The following DDR2 variants were observed in gnomAD, a reference collection of about 807,000 sequenced individuals.
DDR2 encodes discoidin domain-containing receptor 2.
Under a neutral mutation model 94.9 loss-of-function variants are expected in DDR2, and 27 were observed. The ratio of observed to expected loss-of-function variants is 0.28; its 90% CI spans 0.21 to 0.39. The LOEUF (loss-of-function observed/expected upper bound fraction) is 0.39, where lower values mean the gene tolerates loss of function less well. Ranked by LOEUF, DDR2 falls within the 10% of genes least tolerant of loss-of-function variation. DDR2 has a pLI of 1.00. For synonymous variants in DDR2, 382 were observed against 377.2 expected (o/e 1.01, Z -0.15); for missense variants, 783 against 1,076.0 (o/e 0.73, Z 3.81).
At chr1:162,708,277 A>G (rs929520929) in intron 2 of DDR2, among the ~76,000 whole-genome samples, 1 of 152,160 alleles carries the variant, frequency 6.6e-6, no homozygotes, top group Non-Finnish European at 1.5e-5. Context: ...GGCATCACAC[A>G]TGATCTCTTC....
At position 162,656,833 on chromosome 1, in the gene DDR2, G is replaced by GTTTTGTTTTTTTTTTT. The variant is rs1558008740; in HGVS notation, c.-28+1463_-28+1464insGTTTTTTTTTTTTTTT. Among the ~76,000 whole-genome samples, 13 of 65,696 alleles carry GTTTTGTTTTTTTTTTT rather than the reference G, an allele frequency of 2.0e-4. 1 individual carries two copies. Among genetic ancestry groups the GTTTTGTTTTTTTTTTT allele is most frequent in the Non-Finnish European group, 2.7e-4 (9 of 33,378 alleles). 43.1% of individuals were successfully genotyped at this position (65,696 alleles called of 152,430 possible). Reference sequence around the variant, plus strand: ...GGTCTTTTCTTCCCCTGCCACTGGAGTTTTTTTTTTTTTTTTATTTTTTTT... The same window carrying GTTTTGTTTTTTTTTTT: ...GGTCTTTTCTTCCCCTGCCACTGGAGTTTTGTTTTTTTTTTTTTTTTTTTTTTTTTTTATTTTTTTT... On this transcript the variant is annotated intron_variant, in intron 2 of 17. Coordinates refer to ENST00000367921, the MANE Select transcript of DDR2 (RefSeq NM_006182.4).
At chr1:162,754,502 A>G (rs966565254) in intron 4 of DDR2, 122 bp from the exon 5 acceptor site, 1 of 997,190 alleles carries the variant, frequency 1.0e-6, no homozygotes, top group African/African-American at 1.6e-5. Flanking sequence ...CAAGAACCCA[A>G]AATGTTTATA....
intron 2 of DDR2, among the ~76,000 whole-genome samples, chr1:162,678,205 A>G (rs182530981): frequency 1.4e-4 from 22 of 152,210 alleles, no homozygotes; most frequent in Non-Finnish European, 7.4e-5. Context: ...GTTATCTACT[A>G]GTTACCTACC....
In DDR2 at chr1:162,782,217, G is replaced by A. The variant is rs1647942546; in HGVS notation, c.*1971G>A. 3 of 152,168 alleles carry A rather than the reference G, an allele frequency of 2.0e-5. No individual in the cohort carries two copies. Among genetic ancestry groups the A allele is most frequent in the Admixed American group, 6.5e-5 (1 of 15,270 alleles). The allele number at this position is 152,168 out of a possible 1,614,324, so 9.4% of individuals were successfully genotyped here. A position where few individuals can be genotyped will look rare whatever the true frequency, so the allele number is the denominator to read the frequency against. On this transcript the variant is annotated 3_prime_UTR_variant, in exon 18 of 18. Transcript: ENST00000367921. ...AAATCACTTGGTCTTTCTGCATTTT[G>A]TTTTCTTATTTATAGGATGAGGAAA...
intron 2 of DDR2, among the ~76,000 whole-genome samples, chr1:162,660,589 A>C (rs1658244030): frequency 6.6e-6 from 1 of 152,202 alleles, no homozygotes; most frequent in African/African-American, 2.4e-5. Flanking sequence ...TGTTAAATGC[A>C]GGTTCTGACA....
intron 1 of DDR2, among the ~76,000 whole-genome samples, chr1:162,653,786 G>A (rs191113197): frequency 1.3e-5 from 2 of 152,252 alleles, no homozygotes; most frequent in South Asian, 2.1e-4. Context: ...CAGAAGTATA[G>A]TAAAATTTGG....
At chr1:162,663,528 T>C (rs73018584) in intron 2 of DDR2, among the ~76,000 whole-genome samples, 3,822 of 152,286 alleles carry the variant, frequency 0.025, 159 homozygotes, top group African/African-American at 0.087. Context: ...TAAAATGATA[T>C]GAATTTTGCT....
intron 3 of DDR2, among the ~76,000 whole-genome samples, chr1:162,727,486 ATATC>A (rs1280422883): frequency 3.4e-5 from 5 of 146,408 alleles, no homozygotes; most frequent in Non-Finnish European, 7.5e-5. Context: ...TTATATAGAT[ATATC>A]TATCTATATA....
chr1:162,663,961 T>G (rs1022247048), intron 2 of DDR2, among the ~76,000 whole-genome samples: 12 of 151,966 alleles, frequency 7.9e-5, no homozygotes, highest in Admixed American at 3.9e-4. Flanking sequence ...TACTCGGAAA[T>G]GCAAAATGGA....
At chr1:162,770,858 A>C (rs992630329) in intron 12 of DDR2, 1 of 352,462 alleles carries the variant, frequency 2.8e-6, no homozygotes. Context: ...CAGATAGAGT[A>C]CTCACCCAAC....
At chr1:162,725,082 A>G (rs1464204275) in intron 3 of DDR2, among the ~76,000 whole-genome samples, 3 of 152,224 alleles carry the variant, frequency 2.0e-5, no homozygotes, top group Admixed American at 6.5e-5. Context: ...AGAATATTCA[A>G]TGAACACTTA....
intron 3 of DDR2, among the ~76,000 whole-genome samples, 194 bp from the exon 4 acceptor site, chr1:162,752,901 A>G (rs897685130): frequency 6.6e-6 from 1 of 152,080 alleles, no homozygotes; most frequent in African/African-American, 2.4e-5. Context: ...CGGAGGCCCA[A>G]ATTGTATTTG....
At chr1:162,656,220 G>C (rs1002597251) in intron 2 of DDR2, among the ~76,000 whole-genome samples, 9 of 152,164 alleles carry the variant, frequency 5.9e-5, no homozygotes, top group South Asian at 4.2e-4. Context: ...TCTAGCACAG[G>C]GTCTGACACA....
intron 9 of DDR2, 72 bp from the exon 10 acceptor site, chr1:162,765,929 C>T: frequency 7.0e-7 from 1 of 1,421,780 alleles, no homozygotes; most frequent in Non-Finnish European, 9.9e-7. Flanking sequence ...TGCTAGGTCA[C>T]AATATGCCTT....
chr1:162,755,685 C>G lies in DDR2; in HGVS notation c.587C>G (p.Ala196Gly). Residue 196 changes from alanine (A) to glycine (G), a missense_variant, in exon 7 of 18, where the codon GCT becomes GGT. Physicochemically the swap from Ala to Gly is moderately conservative, Grantham distance 60. Coordinates refer to ENST00000367921, the MANE Select transcript of DDR2 (RefSeq NM_006182.4). ...VWLDGLVSYN[A>G]PAGQQFVLPG... is the part of the protein sequence containing the mutation. ...GCAGATGGCTTGGTGTCTTACAATG[C>G]TCCAGCTGGGCAGCAGTTTGTACTC... 6.2e-7 allele frequency: 1 copy of G among 1,614,166 alleles called. No individual in the cohort carries two copies. The highest frequency in any genetic ancestry group is 8.5e-7 in the Non-Finnish European group (1 of 1,180,008).
chr1:162,765,986 C>G lies in DDR2; in HGVS notation c.1100-15C>G. The G allele has an allele frequency of 6.2e-7, 1 of 1,613,778 alleles. No homozygotes were observed. The highest frequency in any genetic ancestry group is 8.5e-7 in the Non-Finnish European group (1 of 1,179,972). ...GTCTTCTCCCTGGCTCTGACTCACC[C>G]TTGTTTTATAACAGATGCTGCAATG... is the stretch of plus-strand genomic sequence containing the variant. On this transcript the variant is annotated splice_polypyrimidine_tract_variant and intron_variant, in intron 9 of 17. Transcript: ENST00000367921.
At chr1:162,690,013 CAA>C (rs143775652) in intron 2 of DDR2, among the ~76,000 whole-genome samples, 108 of 103,110 alleles carry the variant, frequency 1.0e-3, no homozygotes, top group African/African-American at 2.8e-3. Flanking sequence ...AAGACAATGT[CAA>C]AAAAAAAAAA....
intron 2 of DDR2, among the ~76,000 whole-genome samples, chr1:162,690,235 C>A (rs1178285772): frequency 6.6e-6 from 1 of 152,068 alleles, no homozygotes. Context: ...ACGAATATTA[C>A]ATAATCTGCT....
At chr1:162,755,468 G>A (rs1663413218) in intron 6 of DDR2, among the ~76,000 whole-genome samples, 165 bp downstream of exon 6, 2 of 152,164 alleles carry the variant, frequency 1.3e-5, no homozygotes, top group Admixed American at 1.3e-4. Flanking sequence ...CAGGGCTTAG[G>A]GCCCCACACT....
Sources: gnomAD v4.1 joint callset for allele counts (sites outside exome capture counted in the v4.1 genomes callset) on GRCh38, gnomAD v4.1.1 for gene constraint, MANE v1.5 for transcripts, NCBI Gene and HGNC (gene_info 2026-07-23, HGNC 2026-07-21) for gene names.